The following ADCY5 variants were observed in gnomAD, a reference collection of about 807,000 sequenced individuals.
ADCY5 encodes adenylate cyclase type 5.
ADCY5 carries 30 observed loss-of-function variants against 119.7 expected under a neutral mutation model. The ratio of observed to expected loss-of-function variants is 0.25; its 90% CI spans 0.19 to 0.34. The LOEUF is 0.34. Ranked by LOEUF, ADCY5 falls within the 10% of genes least tolerant of loss-of-function variation. ADCY5 has a pLI of 1.00. For synonymous variants in ADCY5, 753 were observed against 762.2 expected (o/e 0.99, Z 0.20); for missense variants, 1,324 against 1,775.2 (o/e 0.75, Z 4.57).
In ADCY5 at chr3:123,297,155, A is replaced by G. The variant is rs1939566549; in HGVS notation, c.2930+198T>C. 12 of 1,383,530 alleles carry G rather than the reference A, an allele frequency of 8.7e-6. No individual in the cohort carries two copies. The Admixed American group carries it at 2.2e-4, about 26-fold the overall frequency. The allele number at this position is 1,383,530 out of a possible 1,614,324, so 85.7% of individuals were successfully genotyped here. Reference sequence around the variant, plus strand: ...GAGACTACAGATCACCTTGGCAGGGATCATGAAAGTGACCAGGGCCTCTGC... The same window carrying G: ...GAGACTACAGATCACCTTGGCAGGGGTCATGAAAGTGACCAGGGCCTCTGC... On this transcript the variant is annotated intron_variant, in intron 16 of 20. Coordinates refer to ENST00000462833, the MANE Select transcript of ADCY5 (RefSeq NM_183357.3).
In ADCY5 at chr3:123,286,692, C is replaced by T. The variant is rs770637165; in HGVS notation, c.3650G>A (p.Arg1217His). Reference protein sequence around the residue: ...SRMDSTGVPDRIQVTTDMYQV... With the variant: ...SRMDSTGVPDHIQVTTDMYQV... ...GGATGCTCCTGCACTCACCTGGATG[C>T]GGTCGGGTACACCGGTGCTGTCCAT... Residue 1217 changes from arginine (R) to histidine (H), a missense_variant, in exon 20 of 21, where the codon CGC (arginine) becomes CAC (histidine). Around this residue, in one of 6 missense-constraint regions of ADCY5, gnomAD observed 178 missense variants for 329.6 expected, o/e 0.54. Coordinates refer to ENST00000462833, the MANE Select transcript of ADCY5 (RefSeq NM_183357.3). This position sits in a 1 kb window ranked among gnomAD's most constrained non-coding sequence, Gnocchi z 4.2. 8 of 1,609,820 alleles carry T rather than the reference C, an allele frequency of 5.0e-6. No individual in the cohort carries two copies. Among genetic ancestry groups the T allele is most frequent in the East Asian group, 4.5e-5 (2 of 44,836 alleles).
At chr3:123,427,286 A>T (rs1251611556) in intron 1 of ADCY5, among the ~76,000 whole-genome samples, 1 of 152,168 alleles carries the variant, frequency 6.6e-6, no homozygotes. Flanking sequence ...AGGTGGGACC[A>T]TATCTATTTA....
chr3:123,353,470 C>T (rs1193995851), intron 1 of ADCY5, among the ~76,000 whole-genome samples: 1 of 152,168 alleles, frequency 6.6e-6, no homozygotes, highest in Non-Finnish European at 1.5e-5. Flanking sequence ...TTGTCCTTGA[C>T]TTGGGGCCAC....
intron 1 of ADCY5, among the ~76,000 whole-genome samples, chr3:123,365,904 A>G (rs114843812): frequency 0.016 from 2,397 of 152,158 alleles, 61 homozygotes; most frequent in African/African-American, 0.054. Flanking sequence ...GGGAGGGGCC[A>G]AAGAGGTAAA....
rs979998787 is a variant in ADCY5 at position 123,419,067 on chromosome 3, C to T, written c.1134+28345G>A. The T allele has an allele frequency of 4.7e-5, 40 of 858,148 alleles. No homozygotes were observed. In the East Asian group the frequency reaches 3.2e-3, roughly 68 times the overall value. 53.2% of individuals were successfully genotyped at this position (858,148 alleles called of 1,614,324 possible). A position where few individuals can be genotyped will look rare whatever the true frequency, so the allele number is the denominator to read the frequency against. On this transcript the variant is annotated intron_variant, in intron 1 of 20. Transcript: ENST00000462833. ...TCTCAGTCTCCGTAACGGCATGAGC[C>T]AATCCCCCACAGTAAATCTTTCTAT...
chr3:123,296,366 G>T (rs772074478), intron 16 of ADCY5, 150 bp from the exon 17 acceptor site: 1 of 930,326 alleles, frequency 1.1e-6, no homozygotes, highest in Admixed American at 2.9e-5. Flanking sequence ...TTTGCCGCAC[G>T]CGTGCCTCCT....
intron 1 of ADCY5, among the ~76,000 whole-genome samples, chr3:123,438,670 A>T (rs935983037): frequency 1.3e-5 from 2 of 152,210 alleles, no homozygotes; most frequent in Admixed American, 6.5e-5. Flanking sequence ...TTACTTAATA[A>T]TGTCCTCAAA....
intron 6 of ADCY5, among the ~76,000 whole-genome samples, 155 bp downstream of exon 6, chr3:123,328,489 C>T (rs890076870): frequency 1.3e-5 from 2 of 152,232 alleles, no homozygotes; most frequent in Non-Finnish European, 2.9e-5. Context: ...GGAATTTCTA[C>T]TTCCACTGTG....
chr3:123,297,453 C>T (rs971250781), intron 15 of ADCY5, 71 bp from the exon 16 acceptor site: 4 of 1,507,892 alleles, frequency 2.7e-6, no homozygotes, highest in Admixed American at 1.7e-5. Flanking sequence ...TCCTGCTCAG[C>T]CCCCACGCCC....
chr3:123,409,791 A>C (rs1944996399), intron 1 of ADCY5, among the ~76,000 whole-genome samples: 1 of 152,094 alleles, frequency 6.6e-6, no homozygotes, highest in African/African-American at 2.4e-5. Flanking sequence ...AGAAGGTAGA[A>C]ACTGCCCCAG....
chr3:123,352,456 G>A lies in ADCY5; in HGVS notation c.1260C>T (p.His420=), dbSNP rs758935727. 3.1e-6 allele frequency: 5 copies of A among 1,613,388 alleles called. No homozygotes were observed. In the South Asian group the frequency reaches 5.5e-5, roughly 18 times the overall value. ...ETRECIQARL[H]SQRENQQQER... is the part of the protein sequence containing the mutation. Reference sequence around the variant, plus strand: ...CCTGCTGCTGGTTCTCCCGCTGCGAGTGGAGCCGCGCCTGGATGCACTCTC... The same window carrying A: ...CCTGCTGCTGGTTCTCCCGCTGCGAATGGAGCCGCGCCTGGATGCACTCTC... Residue 420 remains histidine (H), a synonymous_variant, in exon 2 of 21, where the codon CAC becomes CAT. Transcript: ENST00000462833. This position sits in a 1 kb window ranked among gnomAD's most constrained non-coding sequence, Gnocchi z 4.8.
At chr3:123,423,665 GC>G (rs1178868547) in intron 1 of ADCY5, among the ~76,000 whole-genome samples, 3 of 152,198 alleles carry the variant, frequency 2.0e-5, no homozygotes, top group African/African-American at 7.2e-5. Flanking sequence ...CCGTCACCAA[GC>G]CCCAAGGCAG....
intron 8 of ADCY5, 22 bp downstream of exon 8, chr3:123,325,300 G>C: frequency 6.2e-7 from 1 of 1,613,478 alleles, no homozygotes; most frequent in Non-Finnish European, 8.5e-7. Context: ...GTTGCCCACA[G>C]GCTGCCCCAC....
intron 1 of ADCY5, among the ~76,000 whole-genome samples, chr3:123,432,413 G>C (rs1188627104): frequency 6.6e-6 from 1 of 152,290 alleles, no homozygotes; most frequent in African/African-American, 2.4e-5. Context: ...GAAGGAACCG[G>C]GTGGAGGGAG....
At position 123,447,573 on chromosome 3, in the gene ADCY5, C is replaced by T. The variant is rs771518875; in HGVS notation, c.973G>A (p.Ala325Thr). ...ACGGTCCACCAGATGCCCTCAGAGGCGCTGCGTGGCTGCGGCAGCAGCAGG... is the reference window on the plus strand; with the variant it reads ...ACGGTCCACCAGATGCCCTCAGAGGTGCTGCGTGGCTGCGGCAGCAGCAGG... Reference protein sequence around the residue: ...VGLLLPQPRSASEGIWWTVFF... With the variant: ...VGLLLPQPRSTSEGIWWTVFF... Residue 325 changes from alanine to threonine, a missense_variant, in exon 1 of 21, where the codon GCC becomes ACC. By Grantham distance (58) the Ala-to-Thr change is moderately conservative (BLOSUM62 0). Transcript: ENST00000462833. 6 of 1,608,582 alleles carry T rather than the reference C, an allele frequency of 3.7e-6. No homozygotes were observed. Among genetic ancestry groups the T allele is most frequent in the South Asian group, 2.2e-5 (2 of 90,888 alleles).
intron 1 of ADCY5, among the ~76,000 whole-genome samples, chr3:123,437,857 C>T (rs141743013): frequency 2.4e-4 from 37 of 152,262 alleles, no homozygotes; most frequent in East Asian, 7.7e-4. Flanking sequence ...CAACCTCTTC[C>T]GATGTCTAAC....
intron 1 of ADCY5, among the ~76,000 whole-genome samples, chr3:123,409,010 C>A (rs1020718114): frequency 4.6e-5 from 7 of 152,116 alleles, no homozygotes; most frequent in Non-Finnish European, 8.8e-5. Flanking sequence ...CTATAACAAA[C>A]CACATTTACT....
chr3:123,380,860 A>G (rs968890195), intron 1 of ADCY5, among the ~76,000 whole-genome samples: 3 of 152,222 alleles, frequency 2.0e-5, no homozygotes, highest in African/African-American at 7.2e-5. Flanking sequence ...GGCCTGAGAG[A>G]TACTTGCCAG....
chr3:123,315,757 C>T (rs1022604838), intron 11 of ADCY5, among the ~76,000 whole-genome samples: 3 of 152,088 alleles, frequency 2.0e-5, no homozygotes, highest in South Asian at 2.1e-4. Context: ...TGCGTCACCA[C>T]GCCCGGCTGA....
Sources: allele counts gnomAD v4.1 joint callset (sites outside exome capture counted in the v4.1 genomes callset), GRCh38; gene constraint gnomAD v4.1.1; regional missense constraint gnomAD v4.1.1; non-coding constraint Gnocchi (gnomAD v3.1); transcripts MANE v1.5; gene names NCBI Gene and HGNC (gene_info 2026-07-23, HGNC 2026-07-21).